SAFB2: variants seen among roughly 807,000 people sequenced by gnomAD.
SAFB2 encodes scaffold attachment factor B2.
A neutral mutation model predicts 100.6 loss-of-function variants in SAFB2; 32 were observed. The ratio of observed to expected loss-of-function variants is 0.32; its 90% CI spans 0.24 to 0.43. The LOEUF (loss-of-function observed/expected upper bound fraction) is 0.43, where lower values mean the gene tolerates loss of function less well. SAFB2 is among the 20% of genes least tolerant of loss of function. The pLI, the probability that SAFB2 is intolerant of heterozygous loss-of-function variation, is 1.00. For missense variants in SAFB2, 1,185 were observed against 1,163.4 expected (o/e 1.02, Z -0.27); for synonymous variants, 500 against 439.4 (o/e 1.14, Z -1.72).
intron 1 of SAFB2, 62 bp downstream of exon 1, chr19:5,622,468 C>G: frequency 7.0e-7 from 1 of 1,436,188 alleles, no homozygotes; most frequent in Non-Finnish European, 9.1e-7. Flanking sequence ...GCCGCGGTGA[C>G]AGGTGCAGGC....
At chr19:5,588,620 G>A (rs1408552638) in intron 18 of SAFB2, among the ~76,000 whole-genome samples, 1 of 152,142 alleles carries the variant, frequency 6.6e-6, no homozygotes, top group Non-Finnish European at 1.5e-5. Context: ...AAGGCTTAGG[G>A]AGAAGCCAGG....
chr19:5,591,820 A>C, intron 16 of SAFB2, 27 bp from the exon 17 acceptor site: 1 of 1,613,360 alleles, frequency 6.2e-7, no homozygotes, highest in Non-Finnish European at 8.5e-7. Flanking sequence ...TCCCGTTCAA[A>C]CAGCACCAGG....
intron 4 of SAFB2, among the ~76,000 whole-genome samples, chr19:5,614,855 G>T (rs2052988273): frequency 6.6e-6 from 1 of 152,180 alleles, no homozygotes; most frequent in Admixed American, 6.5e-5. Flanking sequence ...TGGGGAGCAG[G>T]GTTGATACTT....
In SAFB2 at chr19:5,622,701, C is replaced by T; in HGVS notation, c.15G>A (p.Leu5=). 2 of 1,603,946 alleles carry T rather than the reference C, an allele frequency of 1.2e-6. No homozygotes were observed. The highest frequency in any genetic ancestry group is 1.3e-5 in the African/African-American group (1 of 74,924). MAET[L]PGSGDSGPGT... is the part of the protein sequence containing the mutation. The stretch of plus-strand genomic sequence containing the variant: ...CAGGGCCCGAGTCGCCCGACCCGGG[C>T]AGAGTCTCCGCCATCGTCGCGTTCC... The change falls in exon 1 of 21, where the codon CTG becomes CTA. Residue 5 remains leucine (L), a synonymous_variant. Coordinates refer to ENST00000252542, the MANE Select transcript of SAFB2 (RefSeq NM_014649.3).
In SAFB2 at chr19:5,598,904, A is replaced by C; in HGVS notation, c.1691-20T>G. On this transcript the variant is annotated intron_variant, in intron 12 of 20. Coordinates refer to ENST00000252542, the MANE Select transcript of SAFB2 (RefSeq NM_014649.3). ...TGCTTCCTTCAGGAAAAAACACAAC[A>C]AACTATCAAAACCTGTGGACGCCCC... 1 of 1,612,254 alleles carries C rather than the reference A, an allele frequency of 6.2e-7. No individual in the cohort carries two copies. Among genetic ancestry groups the C allele is most frequent in the Non-Finnish European group, 8.5e-7 (1 of 1,178,628 alleles).
intron 13 of SAFB2, 124 bp from the exon 14 acceptor site, chr19:5,595,621 G>A (rs533629239): frequency 5.7e-6 from 7 of 1,234,392 alleles, no homozygotes; most frequent in Non-Finnish European, 7.8e-6. Context: ...GGAAGGCTGT[G>A]GTCTCCAGAC....
intron 14 of SAFB2, among the ~76,000 whole-genome samples, chr19:5,595,038 G>A (rs1439952504): frequency 1.3e-5 from 2 of 152,048 alleles, no homozygotes; most frequent in Admixed American, 6.6e-5. Flanking sequence ...TTGTAGAGGT[G>A]GGGTCTCGCT....
At chr19:5,588,586 T>C (rs1052542058) in intron 18 of SAFB2, among the ~76,000 whole-genome samples, 6 of 152,050 alleles carry the variant, frequency 3.9e-5, no homozygotes, top group African/African-American at 1.4e-4. Context: ...CCAGGCAGCA[T>C]GTGGAGATGA....
intron 2 of SAFB2, among the ~76,000 whole-genome samples, chr19:5,618,325 G>A (rs1367847206): frequency 6.6e-6 from 1 of 152,070 alleles, no homozygotes; most frequent in East Asian, 1.9e-4. Context: ...TTGCACCACT[G>A]TACTCCAGCC....
chr19:5,620,731 C>T (rs559729617), intron 2 of SAFB2, among the ~76,000 whole-genome samples: 1 of 152,270 alleles, frequency 6.6e-6, no homozygotes, highest in South Asian at 2.1e-4. Flanking sequence ...TGATGAAAAT[C>T]CAGAAGGAGA....
At chr19:5,617,873 G>C (rs2053065129) in intron 2 of SAFB2, among the ~76,000 whole-genome samples, 1 of 152,042 alleles carries the variant, frequency 6.6e-6, no homozygotes, top group Admixed American at 6.6e-5. Flanking sequence ...TAGGCACAGT[G>C]GTTCACGCCT....
chr19:5,612,030 C>T (rs927144820), intron 6 of SAFB2: 1 of 357,264 alleles, frequency 2.8e-6, no homozygotes, highest in East Asian at 7.3e-5. Context: ...ACAGAACAAT[C>T]CAATATGAAA....
chr19:5,595,445 A>G lies in SAFB2; in HGVS notation c.1835T>C (p.Leu612Ser). The G allele has an allele frequency of 1.2e-6, 2 of 1,613,938 alleles. No homozygotes were observed. The highest frequency in any genetic ancestry group is 1.7e-6 in the Non-Finnish European group (2 of 1,180,010). The change falls in exon 14 of 21, where the codon TTG becomes TCG. Residue 612 changes from leucine to serine, a missense_variant. This residue lies in a region of SAFB2 where 740 missense variants were observed against 687.1 expected (regional missense o/e 1.08). Coordinates refer to ENST00000252542, the MANE Select transcript of SAFB2 (RefSeq NM_014649.3). ...TTGTTCTTTGATTTTATCAAACGAC[A>G]AGATGTCTCTCTTTTCTTTGCTTTC... ...KSESKEKRDI[L>S]SFDKIKEQRE...
chr19:5,611,809 G>A lies in SAFB2; in HGVS notation c.635-179C>T, dbSNP rs546614139. On this transcript the variant is annotated intron_variant, in intron 6 of 20. Coordinates refer to ENST00000252542, the MANE Select transcript of SAFB2 (RefSeq NM_014649.3). ...TGGTTACACTACCTGCGCCGCGACC[G>A]CCTCTAGGTAAGCCTCTACGCTACA... 60 of 641,482 alleles carry A rather than the reference G, an allele frequency of 9.4e-5. No homozygotes were observed. The East Asian group carries it at 9.6e-4, about 10-fold the overall frequency. The allele number at this position is 641,482 out of a possible 1,614,324, so 39.7% of individuals were successfully genotyped here. A position where few individuals can be genotyped will look rare whatever the true frequency, so the allele number is the denominator to read the frequency against.
At chr19:5,589,992 G>A (rs1426026886) in intron 18 of SAFB2, among the ~76,000 whole-genome samples, 1 of 152,198 alleles carries the variant, frequency 6.6e-6, no homozygotes, top group Non-Finnish European at 1.5e-5. Flanking sequence ...CAGTGTGTAC[G>A]CAGCCCATGA....
At chr19:5,599,200 G>A (rs939714425) in intron 12 of SAFB2, among the ~76,000 whole-genome samples, 15 of 152,078 alleles carry the variant, frequency 9.9e-5, no homozygotes, top group Non-Finnish European at 1.9e-4. Context: ...AACCCACACA[G>A]CTCCGGAGCT....
intron 12 of SAFB2, among the ~76,000 whole-genome samples, 191 bp from the exon 13 acceptor site, chr19:5,599,075 T>C (rs2052598024): frequency 6.6e-6 from 1 of 151,964 alleles, no homozygotes; most frequent in South Asian, 2.1e-4. Context: ...ATCATGGGGG[T>C]ACCCTCACAG....
At chr19:5,598,327 T>C (rs1422562290) in intron 13 of SAFB2, among the ~76,000 whole-genome samples, 1 of 152,190 alleles carries the variant, frequency 6.6e-6, no homozygotes, top group African/African-American at 2.4e-5. Context: ...CGTCTAGTTG[T>C]GTGCACAACT....
chr19:5,594,426 C>G (rs528567565), intron 14 of SAFB2, among the ~76,000 whole-genome samples: 80 of 152,330 alleles, frequency 5.3e-4, no homozygotes, highest in Non-Finnish European at 8.4e-4. Flanking sequence ...GCTGTGAGCA[C>G]AGCTTTTGCT....
Sources: allele counts gnomAD v4.1 joint callset (sites outside exome capture counted in the v4.1 genomes callset), GRCh38; gene constraint gnomAD v4.1.1; regional missense constraint gnomAD v4.1.1; transcripts MANE v1.5; gene names NCBI Gene and HGNC (gene_info 2026-07-23, HGNC 2026-07-21).